RECQL5: variants seen among roughly 807,000 people sequenced by gnomAD.
The protein encoded by RECQL5 is ATP-dependent DNA helicase Q5.
In RECQL5, 88 loss-of-function variants were observed where a neutral mutation model predicts 103.4. The observed-to-expected ratio is 0.85, with a 90% CI of 0.72 to 1.02. The LOEUF is 1.02. RECQL5 is among the 50% of genes least tolerant of loss of function. The pLI is 0.00. For synonymous variants in RECQL5, 552 were observed against 507.9 expected (o/e 1.09, Z -1.17); for missense variants, 1,232 against 1,284.3 (o/e 0.96, Z 0.62).
At chr17:75,635,841 C>T in intron 8 of RECQL5, 2 of 985,494 alleles carry the variant, frequency 2.0e-6, no homozygotes, top group Non-Finnish European at 2.4e-6. Flanking sequence ...CTGCTGCCAG[C>T]CCTTCCTCGT....
At chr17:75,629,572 CAG>C (rs2059167819) in intron 15 of RECQL5, 97 bp from the exon 16 acceptor site, 1 of 1,503,256 alleles carries the variant, frequency 6.7e-7, no homozygotes. Flanking sequence ...ACGGGGCTCT[CAG>C]GAGTGTGGGA....
Position 75,662,478 on chromosome 17 carries a change from C to G in RECQL5, c.771+1G>C, listed in dbSNP as rs1331174223. The G allele has an allele frequency of 3.1e-6, 5 of 1,612,358 alleles. No individual in the cohort carries two copies. Among genetic ancestry groups the G allele is most frequent in the Non-Finnish European group, 4.2e-6 (5 of 1,178,820 alleles). On this transcript the variant is annotated splice_donor_variant, in intron 4 of 19. Transcript: ENST00000317905. LOFTEE classifies it high-confidence loss of function. ...GCTTGGCCTCCACCTCAATGCCTCA[C>G]CCCTTTATCAGCCTCCTGTCCAAGA...
intron 8 of RECQL5, among the ~76,000 whole-genome samples, chr17:75,641,562 G>A (rs1264000670): frequency 6.6e-6 from 1 of 152,220 alleles, no homozygotes; most frequent in Non-Finnish European, 1.5e-5. Context: ...TAACACCACG[G>A]GACCAGTGGA....
chr17:75,649,713 A>G (rs1230338007), intron 8 of RECQL5: 1 of 985,400 alleles, frequency 1.0e-6, no homozygotes, highest in East Asian at 1.1e-4. Context: ...TAGCCAATAC[A>G]GACATACCAG....
Position 75,629,206 on chromosome 17 carries a change from G to A in RECQL5, c.2217C>T (p.Ser739=), listed in dbSNP as rs820190. The change falls in exon 16 of 20, where the codon AGC becomes AGT. Residue 739 remains serine (S), a synonymous_variant. Transcript: ENST00000317905. The part of the protein sequence containing the change: ...EKKAKSSSGG[S]SLAKGRASKK... ...TGCTAGCCCGGCCCTTGGCAAGGGA[G>A]CTGCCCCCAGAGGAACTTTTTGCCT... 0.31 allele frequency: 497,096 copies of A among 1,613,148 alleles called. 79,125 individuals carry two copies. The highest frequency in any genetic ancestry group is 0.36 in the Middle Eastern group (2,185 of 6,060).
chr17:75,647,601 G>C, intron 8 of RECQL5: 1 of 1,545,074 alleles, frequency 6.5e-7, no homozygotes, highest in South Asian at 1.2e-5. Flanking sequence ...CAGCAGGGGA[G>C]GCGAGCTGAC....
At position 75,662,598 on chromosome 17, in the gene RECQL5, T is replaced by A; in HGVS notation, c.652A>T (p.Thr218Ser). Residue 218 changes from threonine to serine, a missense_variant, in exon 4 of 20, where the codon ACT becomes TCT. Coordinates refer to ENST00000317905, the MANE Select transcript of RECQL5 (RefSeq NM_004259.7). Reference sequence around the variant, plus strand: ...AAGAGGTTGGCCCGGAAGCAGGGAGTCTTGAAGATGGCAACTGGTTTCTTC... The same window carrying A: ...AAGAGGTTGGCCCGGAAGCAGGGAGACTTGAAGATGGCAACTGGTTTCTTC... ...HLKKPVAIFK[T>S]PCFRANLFYD... 1 of 1,613,704 alleles carries A rather than the reference T, an allele frequency of 6.2e-7. No individual in the cohort carries two copies. The highest frequency in any genetic ancestry group is 8.5e-7 in the Non-Finnish European group (1 of 1,179,990).
intron 7 of RECQL5, among the ~76,000 whole-genome samples, chr17:75,656,586 T>C (rs2059623408): frequency 1.3e-5 from 2 of 152,156 alleles, no homozygotes. Flanking sequence ...CTATTTCTCT[T>C]ATATTCAACC....
intron 7 of RECQL5, among the ~76,000 whole-genome samples, chr17:75,655,231 G>A (rs570411593): frequency 1.0e-3 from 148 of 147,912 alleles, no homozygotes; most frequent in Middle Eastern, 7.3e-3. Context: ...GCCACCACGC[G>A]CGGCTAATTT....
Position 75,629,119 on chromosome 17 carries a change from G to T in RECQL5, c.2304C>A (p.Phe768Leu). ...HKDSQSIARF[F>L]CRRVESPALL... ...GAGCTGGGCTTTCCACCCTTCGGCAGAAGAAGCGGGCGATGCTCTGAGAAT... is the reference window on the plus strand; with the variant it reads ...GAGCTGGGCTTTCCACCCTTCGGCATAAGAAGCGGGCGATGCTCTGAGAAT... Residue 768 changes from phenylalanine (F) to leucine (L), a missense_variant, in exon 16 of 20, where the codon TTC becomes TTA. Coordinates refer to ENST00000317905, the MANE Select transcript of RECQL5 (RefSeq NM_004259.7). 1 of 1,613,774 alleles carries T rather than the reference G, an allele frequency of 6.2e-7. No homozygotes were observed. The highest frequency in any genetic ancestry group is 8.5e-7 in the Non-Finnish European group (1 of 1,179,982).
Position 75,627,158 on chromosome 17 carries a change from C to T in RECQL5, c.*264G>A, listed in dbSNP as rs1327046934. ...CCAGCAGCAGCTCCACCACCCTCCA[C>T]CTTCTGTCCTCGACATGTGTCCCAG... is the stretch of plus-strand genomic sequence containing the variant. On this transcript the variant is annotated 3_prime_UTR_variant, in exon 20 of 20. Transcript: ENST00000317905. The T allele has an allele frequency of 1.7e-6, 1 of 588,986 alleles. No individual in the cohort carries two copies. The allele number at this position is 588,986 out of a possible 1,614,324, so 36.5% of individuals were successfully genotyped here.
intron 5 of RECQL5, among the ~76,000 whole-genome samples, 160 bp from the exon 6 acceptor site, chr17:75,661,226 C>T (rs1482769419): frequency 6.6e-6 from 1 of 152,196 alleles, no homozygotes; most frequent in Non-Finnish European, 1.5e-5. Context: ...CTTTACTGAG[C>T]CTCAGCTGAC....
chr17:75,628,624 C>A (rs116361786), intron 17 of RECQL5, 48 bp downstream of exon 17: 2 of 1,538,750 alleles, frequency 1.3e-6, no homozygotes, highest in Admixed American at 2.2e-5. Context: ...CTCCTGGCCT[C>A]GCCCACAGCC....
At chr17:75,633,073 G>A (rs1022695191) in intron 8 of RECQL5, among the ~76,000 whole-genome samples, 1 of 152,236 alleles carries the variant, frequency 6.6e-6, no homozygotes, top group Non-Finnish European at 1.5e-5. Context: ...GACCTGGGCT[G>A]GGACAGCCGA....
At chr17:75,631,385 C>T (rs2059210502) in intron 9 of RECQL5, 65 bp downstream of exon 9, 3 of 1,568,120 alleles carry the variant, frequency 1.9e-6, no homozygotes, top group Non-Finnish European at 2.6e-6. Context: ...TCTGGTCTGG[C>T]CCTGGCGCCA....
intron 8 of RECQL5, among the ~76,000 whole-genome samples, chr17:75,644,423 T>C (rs1217805399): frequency 6.6e-6 from 1 of 151,508 alleles, no homozygotes; most frequent in African/African-American, 2.4e-5. Flanking sequence ...CTGGGCAACA[T>C]GGGGAGACCC....
Position 75,662,951 on chromosome 17 carries a change from A to T in RECQL5, c.299T>A (p.Leu100Gln). ...LLTLKVRVSS[L>Q]NSKLSAQERK... Reference sequence around the variant, plus strand: ...TTCCTGTGCAGAGAGCTTCGAGTTCAGGGAACTTACTCGTACCTTTAGGGT... The same window carrying T: ...TTCCTGTGCAGAGAGCTTCGAGTTCTGGGAACTTACTCGTACCTTTAGGGT... The change falls in exon 4 of 20, where the codon CTG becomes CAG. Residue 100 changes from leucine to glutamine, a missense_variant. Coordinates refer to ENST00000317905, the MANE Select transcript of RECQL5 (RefSeq NM_004259.7). 6.2e-7 allele frequency: 1 copy of T among 1,613,812 alleles called. No individual in the cohort carries two copies. The highest frequency in any genetic ancestry group is 8.5e-7 in the Non-Finnish European group (1 of 1,179,902).
Position 75,659,110 on chromosome 17 carries a change from G to A in RECQL5, c.987-650C>T, listed in dbSNP as rs185310730. ...TGGAGTCTTGCTCTGTCACCAGGCT[G>A]GAGTGCAGTGGAGTGATCTCAGCTC... On this transcript the variant is annotated intron_variant, in intron 6 of 19. Coordinates refer to ENST00000317905, the MANE Select transcript of RECQL5 (RefSeq NM_004259.7). 4.4e-3 allele frequency among the ~76,000 whole-genome samples: 668 copies of A among 152,044 alleles called. 1 individual carries two copies. The highest frequency in any genetic ancestry group is 7.6e-3 in the Non-Finnish European group (519 of 67,982).
chr17:75,646,314 G>GGGGC (rs1430241680), intron 8 of RECQL5: 2 of 152,350 alleles, frequency 1.3e-5, no homozygotes, highest in Non-Finnish European at 2.9e-5. Flanking sequence ...TCCTGAGCTC[G>GGGGC]GGGCAGGTCC....
Sources: gnomAD v4.1 joint callset for allele counts (sites outside exome capture counted in the v4.1 genomes callset) on GRCh38, gnomAD v4.1.1 for gene constraint, MANE v1.5 for transcripts, NCBI Gene and HGNC (gene_info 2026-07-23, HGNC 2026-07-21) for gene names.